The following SESN2 variants were observed in gnomAD, a reference collection of about 807,000 sequenced individuals.
SESN2 encodes the protein sestrin-2.
A neutral mutation model predicts 56.0 loss-of-function variants in SESN2; 42 were observed. The ratio of observed to expected loss-of-function variants is 0.75; its 90% CI spans 0.59 to 0.97. The LOEUF (loss-of-function observed/expected upper bound fraction) is 0.97. Among genes scored for constraint, SESN2 ranks in the 50% least tolerant of loss-of-function variants. The probability of loss-of-function intolerance (pLI) is 0.00; values close to 1 mark genes in which losing one functional copy is unlikely to be tolerated. For synonymous variants in SESN2, 264 were observed against 267.1 expected, an observed-to-expected ratio of 0.99 and a Z score of 0.11; for missense variants, 507 against 649.4, an observed-to-expected ratio of 0.78 and a Z score of 2.38.
intron 8 of SESN2, among the ~76,000 whole-genome samples, chr1:28,276,570 C>CTTTTTTTTTTTTTTT (rs57474365): frequency 1.4e-4 from 13 of 94,736 alleles, no homozygotes; most frequent in Non-Finnish European, 2.7e-4. Context: ...TTTTTCTTTC[C>CTTTTTTTTTTTTTTT]TTTTTTTTTT....
At position 28,280,961 on chromosome 1, in the gene SESN2, T is replaced by C; in HGVS notation, c.*159T>C. 3.2e-6 allele frequency: 2 copies of C among 616,092 alleles called. No individual in the cohort carries two copies. Among genetic ancestry groups the C allele is most frequent in the Non-Finnish European group, 5.9e-6 (2 of 340,838 alleles). The allele number at this position is 616,092 out of a possible 1,614,324, so 38.2% of individuals were successfully genotyped here. A position where few individuals can be genotyped will look rare whatever the true frequency, so the allele number is the denominator to read the frequency against. On this transcript the variant is annotated 3_prime_UTR_variant, in exon 10 of 10. Transcript: ENST00000253063. ...AAGCCACACCCTCCCTTTTCCTCAC[T>C]GGAATGGACAGTTCATTGCACTGAC...
chr1:28,264,603 T>C (rs1435828157), intron 1 of SESN2, among the ~76,000 whole-genome samples: 8 of 152,220 alleles, frequency 5.3e-5, no homozygotes, highest in Non-Finnish European at 1.2e-4. Flanking sequence ...CATGCCTTTA[T>C]CAGGTCTACT....
intron 1 of SESN2, among the ~76,000 whole-genome samples, chr1:28,265,339 G>A (rs1557730436): frequency 1.3e-5 from 2 of 152,134 alleles, no homozygotes; most frequent in African/African-American, 4.8e-5. Flanking sequence ...TGCCTTCAGG[G>A]CTTTATACTC....
rs57474365 is a variant in SESN2 at position 28,276,570 on chromosome 1, CTTTTTTTTTTTTTTTT to C, written c.1211+1566_1211+1581del. 4.2e-5 allele frequency among the ~76,000 whole-genome samples: 4 copies of C among 94,732 alleles called. No individual in the cohort carries two copies. The East Asian group carries it at 1.6e-3, about 38-fold the overall frequency. The allele number at this position is 94,732 out of a possible 152,430, so 62.1% of individuals were successfully genotyped here. On this transcript the variant is annotated intron_variant, in intron 8 of 9. Transcript: ENST00000253063. ...TATCTCCTTCCTGTCTTTTTCTTTC[CTTTTTTTTTTTTTTTT>C]TTTTTTTTTTGAGACAGAGTTTCAA...
chr1:28,269,208 G>T lies in SESN2; in HGVS notation c.116G>T (p.Arg39Leu). The T allele has an allele frequency of 6.2e-7, 1 of 1,612,982 alleles. No individual in the cohort carries two copies. The change falls in exon 2 of 10, where the codon CGA (arginine) becomes CTA (leucine). Residue 39 changes from arginine (R) to leucine (L), a missense_variant. Arg to Leu is a moderately radical substitution (Grantham distance 102, BLOSUM62 -2). Transcript: ENST00000253063. Reference sequence around the variant, plus strand: ...GAGCAGAGGGAGAGCCGGGCTCGGCGAGGCCCTCGAGGGCCCAGCGCCTTC... The same window carrying T: ...GAGCAGAGGGAGAGCCGGGCTCGGCTAGGCCCTCGAGGGCCCAGCGCCTTC... ...GEEQRESRARRGPRGPSAFIP... is the reference protein window; with the variant it reads ...GEEQRESRARLGPRGPSAFIP...
At position 28,280,758 on chromosome 1, in the gene SESN2, G is replaced by A. The variant is rs377666281; in HGVS notation, c.1399G>A (p.Ala467Thr). Residue 467 changes from alanine to threonine, a missense_variant, in exon 10 of 10, where the codon GCT becomes ACT. By Grantham distance (58) the Ala-to-Thr change is moderately conservative. Transcript: ENST00000253063. ...LLLLEARMQA[A>T]LLYALRAITR... The stretch of plus-strand genomic sequence containing the variant: ...GCTCCTGGAGGCGCGCATGCAAGCC[G>A]CTCTGCTGTACGCCCTCCGTGCCAT... 1.9e-5 allele frequency: 30 copies of A among 1,613,522 alleles called. No individual in the cohort carries two copies. Among genetic ancestry groups the A allele is most frequent in the Non-Finnish European group, 2.5e-5 (29 of 1,180,002 alleles).
chr1:28,279,334 G>T, intron 9 of SESN2, 93 bp downstream of exon 9: 2 of 1,347,952 alleles, frequency 1.5e-6, no homozygotes, highest in Non-Finnish European at 2.1e-6. Flanking sequence ...TCCCCAGACT[G>T]AGTCTGTCCT....
chr1:28,267,027 C>T (rs993858076), intron 1 of SESN2, among the ~76,000 whole-genome samples: 1 of 152,136 alleles, frequency 6.6e-6, no homozygotes, highest in Non-Finnish European at 1.5e-5. Context: ...CCTGATGGGC[C>T]GTCTCTGCCT....
chr1:28,274,320 C>T (rs1448780507), intron 7 of SESN2, among the ~76,000 whole-genome samples, 162 bp downstream of exon 7: 1 of 152,066 alleles, frequency 6.6e-6, no homozygotes, highest in East Asian at 1.9e-4. Flanking sequence ...TTGCTTGAGC[C>T]CAGGAGCTTG....
At chr1:28,269,757 A>G (rs551018883) in intron 2 of SESN2, among the ~76,000 whole-genome samples, 38 of 152,350 alleles carry the variant, frequency 2.5e-4, no homozygotes, top group Non-Finnish European at 4.1e-4. Context: ...TCAGTACAGA[A>G]CCAAGGTCAT....
intron 8 of SESN2, among the ~76,000 whole-genome samples, chr1:28,278,295 G>T (rs934419532): frequency 3.0e-4 from 45 of 152,248 alleles, no homozygotes; most frequent in African/African-American, 1.0e-3. Context: ...CTGTCCAGGC[G>T]TGGTGGCTCA....
chr1:28,274,289 T>C, intron 7 of SESN2, 131 bp downstream of exon 7: 1 of 675,382 alleles, frequency 1.5e-6, no homozygotes, highest in Non-Finnish European at 2.6e-6. Flanking sequence ...CCCAGCACTT[T>C]GGGAAGCCAA....
Position 28,272,265 on chromosome 1 carries a change from G to A in SESN2, c.355-19G>A. Reference sequence around the variant, plus strand: ...CAAAAGGAGGAGGGTGACTCAGGCTGTGTCCACTACCTCCGCAGGCTGCCG... The same window carrying A: ...CAAAAGGAGGAGGGTGACTCAGGCTATGTCCACTACCTCCGCAGGCTGCCG... On this transcript the variant is annotated intron_variant, in intron 3 of 9. Coordinates refer to ENST00000253063, the MANE Select transcript of SESN2 (RefSeq NM_031459.5). 1 of 1,612,134 alleles carries A rather than the reference G, an allele frequency of 6.2e-7. No homozygotes were observed. Among genetic ancestry groups the A allele is most frequent in the Non-Finnish European group, 8.5e-7 (1 of 1,178,906 alleles).
chr1:28,271,077 C>T (rs61785866), intron 2 of SESN2, among the ~76,000 whole-genome samples: 5,225 of 152,250 alleles, frequency 0.034, 231 homozygotes, highest in African/African-American at 0.11. Flanking sequence ...GAATCTGCTT[C>T]TGTTATTTAT....
chr1:28,279,281 G>T (rs747219933), intron 9 of SESN2, 40 bp downstream of exon 9: 25 of 1,611,006 alleles, frequency 1.6e-5, no homozygotes, highest in Non-Finnish European at 2.1e-5. Context: ...AAGTAGACAG[G>T]CCAAGCCAGT....
intron 6 of SESN2, 127 bp downstream of exon 6, chr1:28,273,635 A>G (rs1247269021): frequency 2.4e-5 from 23 of 939,978 alleles, no homozygotes; most frequent in Non-Finnish European, 3.3e-5. Flanking sequence ...GGTTCTGAGC[A>G]TGGGCCTTGG....
At chr1:28,267,486 G>T (rs563443935) in intron 1 of SESN2, among the ~76,000 whole-genome samples, 7 of 152,232 alleles carry the variant, frequency 4.6e-5, no homozygotes, top group African/African-American at 1.7e-4. Flanking sequence ...GAGAAGGAAG[G>T]TTCAATTATA....
chr1:28,272,740 C>T lies in SESN2; in HGVS notation c.697C>T (p.Pro233Ser), dbSNP rs780608276. Residue 233 changes from proline (P) to serine (S), a missense_variant, in exon 5 of 10, where the codon CCC becomes TCC. Physicochemically the swap from Pro to Ser is moderately conservative, Grantham distance 74 (BLOSUM62 -1). Transcript: ENST00000253063. ...CAGCCCTGCCCCCCAGGCACCTACA[C>T]CCCCTAGTGAACAGAGCAGCCCCCC... ...DGSPAPQAPTPPSEQSSPPSR... is the reference protein window; with the variant it reads ...DGSPAPQAPTSPSEQSSPPSR... 6.2e-7 allele frequency: 1 copy of T among 1,612,182 alleles called. No homozygotes were observed. Among genetic ancestry groups the T allele is most frequent in the East Asian group, 2.2e-5 (1 of 44,882 alleles).
intron 1 of SESN2, among the ~76,000 whole-genome samples, chr1:28,264,946 GAGA>G (rs1201621051): frequency 6.6e-6 from 1 of 152,198 alleles, no homozygotes; most frequent in African/African-American, 2.4e-5. Context: ...TTGAGACCTT[GAGA>G]AGTTTAGAGA....
Sources: gnomAD v4.1 joint callset for allele counts (sites outside exome capture counted in the v4.1 genomes callset) on GRCh38, gnomAD v4.1.1 for gene constraint, MANE v1.5 for transcripts, NCBI Gene and HGNC (gene_info 2026-07-23, HGNC 2026-07-21) for gene names.